Variants in SLC10A7 observed in about 807,000 individuals in gnomAD.
SLC10A7 encodes sodium/bile acid cotransporter 7.
In SLC10A7, 29 loss-of-function variants were observed where a neutral mutation model predicts 43.2. The ratio of observed to expected loss-of-function variants is 0.67; its 90% CI spans 0.50 to 0.92. The LOEUF (loss-of-function observed/expected upper bound fraction) is 0.92, where lower values mean the gene tolerates loss of function less well. SLC10A7 is among the 40% of genes least tolerant of loss of function. The pLI is 0.00. For missense variants in SLC10A7, 295 were observed against 403.2 expected (o/e 0.73, Z 2.30); for synonymous variants, 152 against 144.8 (o/e 1.05, Z -0.35).
chr4:146,334,993 A>C (rs1733778831), intron 5 of SLC10A7, among the ~76,000 whole-genome samples: 1 of 151,926 alleles, frequency 6.6e-6, no homozygotes. Context: ...CCACACTTTC[A>C]AGATGACAAG....
intron 5 of SLC10A7, among the ~76,000 whole-genome samples, chr4:146,411,606 T>C (rs1207025198): frequency 6.6e-6 from 1 of 152,174 alleles, no homozygotes; most frequent in African/African-American, 2.4e-5. Context: ...AATACTAATG[T>C]TTGAAGGAGA....
chr4:146,359,039 TGTTA>T (rs1200542880), intron 5 of SLC10A7, among the ~76,000 whole-genome samples: 1 of 152,192 alleles, frequency 6.6e-6, no homozygotes, highest in African/African-American at 2.4e-5. Context: ...CTTTAATACT[TGTTA>T]GTGACAATCT....
chr4:146,262,512 A>G (rs1167167724), intron 10 of SLC10A7, among the ~76,000 whole-genome samples: 1 of 152,216 alleles, frequency 6.6e-6, no homozygotes, highest in African/African-American at 2.4e-5. Context: ...CAAATCAGAG[A>G]AAATCAGCTG....
chr4:146,335,250 GTAAAAAAAA>G lies in SLC10A7; in HGVS notation c.436-9263_436-9255del, dbSNP rs1181047624. On this transcript the variant is annotated intron_variant, in intron 5 of 11. Transcript: ENST00000335472. ...TCATTAAAGTGTTGCCACAGATGTT[GTAAAAAAAA>G]AAAAAAAAAAAAAAAAAAAAAAGAG... is the stretch of plus-strand genomic sequence containing the variant. Among the ~76,000 whole-genome samples, 17 of 70,624 alleles carry G rather than the reference GTAAAAAAAA, an allele frequency of 2.4e-4. No individual in the cohort carries two copies. In the East Asian group the frequency reaches 4.9e-3, roughly 20 times the overall value. 46.3% of individuals were successfully genotyped at this position (70,624 alleles called of 152,430 possible). A position where few individuals can be genotyped will look rare whatever the true frequency, so the allele number is the denominator to read the frequency against.
intron 4 of SLC10A7, among the ~76,000 whole-genome samples, chr4:146,486,533 A>G (rs540962299): frequency 2.3e-4 from 35 of 152,298 alleles, no homozygotes; most frequent in African/African-American, 7.7e-4. Context: ...TAAACAAATA[A>G]ATTTTTTAAA....
At chr4:146,472,005 T>G (rs557940191) in intron 4 of SLC10A7, among the ~76,000 whole-genome samples, 26 of 152,110 alleles carry the variant, frequency 1.7e-4, no homozygotes, top group Admixed American at 3.3e-4. Context: ...AGATAGCTCA[T>G]GCAGTTTTCC....
At chr4:146,359,995 C>T (rs1735930093) in intron 5 of SLC10A7, among the ~76,000 whole-genome samples, 1 of 152,102 alleles carries the variant, frequency 6.6e-6, no homozygotes, top group Non-Finnish European at 1.5e-5. Context: ...GCTGAATTTT[C>T]ACAACTGTAC....
intron 5 of SLC10A7, among the ~76,000 whole-genome samples, chr4:146,360,672 G>T (rs1194211767): frequency 6.6e-6 from 1 of 152,026 alleles, no homozygotes; most frequent in Non-Finnish European, 1.5e-5. Flanking sequence ...ACCCAGGTTG[G>T]TTGCAAACTT....
At chr4:146,491,874 C>G (rs1735477082) in intron 4 of SLC10A7, among the ~76,000 whole-genome samples, 1 of 152,136 alleles carries the variant, frequency 6.6e-6, no homozygotes, top group South Asian at 2.1e-4. Context: ...GAATAATCTG[C>G]TTGAAAATCT....
intron 4 of SLC10A7, among the ~76,000 whole-genome samples, chr4:146,486,997 A>G (rs970219307): frequency 2.6e-5 from 4 of 152,176 alleles, no homozygotes; most frequent in Non-Finnish European, 4.4e-5. Context: ...GCCAAACTGC[A>G]ATTGCTTCCT....
At chr4:146,509,311 A>G (rs555034283) in intron 3 of SLC10A7, among the ~76,000 whole-genome samples, 1 of 152,320 alleles carries the variant, frequency 6.6e-6, no homozygotes, top group South Asian at 2.1e-4. Context: ...TGAATATGCA[A>G]TTTCAATTGA....
At chr4:146,466,667 A>G (rs910885855) in intron 4 of SLC10A7, among the ~76,000 whole-genome samples, 1 of 152,226 alleles carries the variant, frequency 6.6e-6, no homozygotes, top group Non-Finnish European at 1.5e-5. Context: ...TTTATTGAGC[A>G]CCTTCTATAT....
chr4:146,271,977 T>A (rs199730928), intron 10 of SLC10A7, among the ~76,000 whole-genome samples: 1 of 152,208 alleles, frequency 6.6e-6, no homozygotes, highest in East Asian at 1.9e-4. Flanking sequence ...GGTTTTCTTT[T>A]TCTCCATTGC....
chr4:146,491,540 G>T lies in SLC10A7; in HGVS notation c.396+12309C>A, dbSNP rs534037998. Among the ~76,000 whole-genome samples, 9 of 152,110 alleles carry T rather than the reference G, an allele frequency of 5.9e-5. No individual in the cohort carries two copies. The East Asian group carries it at 1.7e-3, about 29-fold the overall frequency. Reference sequence around the variant, plus strand: ...GAGAAGAAAAGAAAAGGAAAAAGATGGAGGGAGGAGGGGAAAAAAGGCGAG... The same window carrying T: ...GAGAAGAAAAGAAAAGGAAAAAGATTGAGGGAGGAGGGGAAAAAAGGCGAG... On this transcript the variant is annotated intron_variant, in intron 4 of 11. Coordinates refer to ENST00000335472, the MANE Select transcript of SLC10A7 (RefSeq NM_001029998.6).
At chr4:146,477,445 T>C (rs1734123672) in intron 4 of SLC10A7, among the ~76,000 whole-genome samples, 2 of 152,346 alleles carry the variant, frequency 1.3e-5, no homozygotes, top group African/African-American at 4.8e-5. Flanking sequence ...AAAGTTATAA[T>C]TAGAGTTTTA....
At chr4:146,290,606 T>C (rs1036670102) in intron 9 of SLC10A7, among the ~76,000 whole-genome samples, 1 of 152,078 alleles carries the variant, frequency 6.6e-6, no homozygotes, top group African/African-American at 2.4e-5. Context: ...ATGCCTATAG[T>C]CCCAGCACTT....
At chr4:146,371,889 A>C (rs1030272520) in intron 5 of SLC10A7, among the ~76,000 whole-genome samples, 4 of 152,192 alleles carry the variant, frequency 2.6e-5, no homozygotes, top group African/African-American at 9.7e-5. Context: ...GGGATGGCTC[A>C]AGCATAAGGA....
intron 2 of SLC10A7, among the ~76,000 whole-genome samples, chr4:146,512,184 G>A (rs1286393185): frequency 6.6e-6 from 1 of 151,908 alleles, no homozygotes; most frequent in Non-Finnish European, 1.5e-5. Context: ...ATGTTGGCCA[G>A]GCTTGTCTGG....
At chr4:146,378,691 A>G (rs1737383383) in intron 5 of SLC10A7, among the ~76,000 whole-genome samples, 1 of 152,224 alleles carries the variant, frequency 6.6e-6, no homozygotes, top group South Asian at 2.1e-4. Context: ...AACTCTGGAG[A>G]ATATAGATTA....
Sources: allele counts gnomAD v4.1 joint callset (sites outside exome capture counted in the v4.1 genomes callset), GRCh38; gene constraint gnomAD v4.1.1; transcripts MANE v1.5; gene names NCBI Gene and HGNC (gene_info 2026-07-23, HGNC 2026-07-21).